Variants in CNGB3 observed in about 807,000 individuals in gnomAD.
CNGB3 encodes cyclic nucleotide gated channel subunit beta 3.
CNGB3 carries 86 observed loss-of-function variants against 92.8 expected under a neutral mutation model. That is an observed-to-expected ratio of 0.93 (90% CI 0.78 to 1.11). The LOEUF is 1.11. Ranked by LOEUF, CNGB3 falls within the 50% of genes least tolerant of loss-of-function variation. The pLI, the probability that CNGB3 is intolerant of heterozygous loss-of-function variation, is 0.00. For missense variants in CNGB3, 1,026 were observed against 956.8 expected (o/e 1.07, Z -0.95); for synonymous variants, 333 against 332.7 (o/e 1.00, Z -0.01).
chr8:86,606,107 T>C lies in CNGB3; in HGVS notation c.1663-1896A>G, dbSNP rs142391110. On this transcript the variant is annotated intron_variant, in intron 14 of 17. Transcript: ENST00000320005. ...GCAAGAAATACGTTTAAGTTTTGCATTGTGTAAAATACATTTTTAAATTAA... is the reference window on the plus strand; with the variant it reads ...GCAAGAAATACGTTTAAGTTTTGCACTGTGTAAAATACATTTTTAAATTAA... Among the ~76,000 whole-genome samples, 46 of 151,942 alleles carry C rather than the reference T, an allele frequency of 3.0e-4. No homozygotes were observed. In the East Asian group the frequency reaches 6.8e-3, roughly 22 times the overall value.
chr8:86,705,485 T>C (rs547413717), intron 3 of CNGB3, among the ~76,000 whole-genome samples: 1 of 152,168 alleles, frequency 6.6e-6, no homozygotes, highest in African/African-American at 2.4e-5. Context: ...AAAAGGAATG[T>C]TGCAGGTTAC....
At chr8:86,659,059 G>T in intron 6 of CNGB3, 2 of 892,728 alleles carry the variant, frequency 2.2e-6, no homozygotes, top group South Asian at 1.5e-5. Context: ...ACCTCAGAGG[G>T]CCCTGCTGGG....
Position 86,625,885 on chromosome 8 carries a change from A to G in CNGB3, c.1578+98T>C, listed in dbSNP as rs1397471147. 4.0e-6 allele frequency: 4 copies of G among 991,450 alleles called. No individual in the cohort carries two copies. In the East Asian group the frequency reaches 1.0e-4, roughly 25 times the overall value. 61.4% of individuals were successfully genotyped at this position (991,450 alleles called of 1,614,324 possible). A position where few individuals can be genotyped will look rare whatever the true frequency, so the allele number is the denominator to read the frequency against. The stretch of plus-strand genomic sequence containing the variant: ...TCTCTAGGTTATTTTGACTTTGTTA[A>G]AACATAAGGCAAAAAAACTCATAAA... On this transcript the variant is annotated intron_variant, in intron 13 of 17. Transcript: ENST00000320005.
chr8:86,687,050 A>G (rs994692698), intron 3 of CNGB3, among the ~76,000 whole-genome samples: 4 of 152,024 alleles, frequency 2.6e-5, no homozygotes, highest in African/African-American at 4.8e-5. Flanking sequence ...TGTTCAAAAC[A>G]CCACAGTGTT....
At position 86,667,148 on chromosome 8, in the gene CNGB3, A is replaced by G; in HGVS notation, c.644-15T>C. 1.9e-6 allele frequency: 3 copies of G among 1,609,016 alleles called. No individual in the cohort carries two copies. The highest frequency in any genetic ancestry group is 2.6e-6 in the Non-Finnish European group (3 of 1,175,874). ...ATAGAGTCGATCTGGAAAAACAGCA[A>G]GTGGTGAAATCCAAATGACATAGAA... On this transcript the variant is annotated splice_polypyrimidine_tract_variant and intron_variant, in intron 5 of 17. Transcript: ENST00000320005.
intron 3 of CNGB3, among the ~76,000 whole-genome samples, chr8:86,673,139 C>T (rs1026371420): frequency 2.0e-5 from 3 of 152,126 alleles, no homozygotes; most frequent in African/African-American, 4.8e-5. Flanking sequence ...GTGTCAGGCC[C>T]GATAGTTGTT....
At chr8:86,617,559 C>T (rs183408087) in intron 13 of CNGB3, among the ~76,000 whole-genome samples, 89 of 152,258 alleles carry the variant, frequency 5.8e-4, no homozygotes, top group Non-Finnish European at 5.9e-5. Flanking sequence ...TTGGGACCAG[C>T]AAAGTCAAAT....
intron 13 of CNGB3, among the ~76,000 whole-genome samples, chr8:86,625,614 A>T (rs939453720): frequency 6.6e-6 from 1 of 152,166 alleles, no homozygotes; most frequent in African/African-American, 2.4e-5. Context: ...TTGTCAGGCC[A>T]TTACAGAGCT....
In CNGB3 at chr8:86,743,581, T is replaced by A. The variant is rs1296464372; in HGVS notation, c.47A>T (p.Glu16Val). Reference sequence around the variant, plus strand: ...AGAACTTTGTTCATTCTCATTGTTCTCTCCTATAGGCTTCACCTTGTTGAC... The same window carrying A: ...AGAACTTTGTTCATTCTCATTGTTCACTCCTATAGGCTTCACCTTGTTGAC... Reference protein sequence around the residue: ...TKVNKVKPIGENNENEQSSRR... With the variant: ...TKVNKVKPIGVNNENEQSSRR... Residue 16 changes from glutamate (E) to valine (V), a missense_variant, in exon 1 of 18, where the codon GAG (glutamate) becomes GTG (valine). Transcript: ENST00000320005. 1 of 1,613,924 alleles carries A rather than the reference T, an allele frequency of 6.2e-7. No individual in the cohort carries two copies. Among genetic ancestry groups the A allele is most frequent in the African/African-American group, 1.3e-5 (1 of 74,936 alleles).
At chr8:86,650,273 C>A (rs759090462) in intron 7 of CNGB3, among the ~76,000 whole-genome samples, 31 of 151,408 alleles carry the variant, frequency 2.0e-4, no homozygotes, top group Non-Finnish European at 4.3e-4. Context: ...TTGCTCAACT[C>A]CCCTCTCAAC....
intron 15 of CNGB3, among the ~76,000 whole-genome samples, chr8:86,589,463 C>G (rs7003422): frequency 0.27 from 40,296 of 150,828 alleles, 5,820 homozygotes; most frequent in Admixed American, 0.41. Context: ...CCTGCTTTCT[C>G]TTGCGGGCAT....
At chr8:86,600,603 C>CT (rs869225655) in intron 15 of CNGB3, among the ~76,000 whole-genome samples, 6 of 144,680 alleles carry the variant, frequency 4.1e-5, no homozygotes, top group South Asian at 2.2e-4. Context: ...ATTCTAGTTC[C>CT]TTTTTTTTTT....
chr8:86,612,299 TC>T (rs1822536683), intron 13 of CNGB3, among the ~76,000 whole-genome samples: 1 of 152,182 alleles, frequency 6.6e-6, no homozygotes, highest in Non-Finnish European at 1.5e-5. Flanking sequence ...GTATTTGTCA[TC>T]TGTTTAAATA....
chr8:86,593,864 AGCAT>A (rs1822110178), intron 15 of CNGB3: 4 of 743,194 alleles, frequency 5.4e-6, no homozygotes, highest in Admixed American at 2.0e-5. Context: ...GACCCCGGGC[AGCAT>A]AGCCAGGTCC....
At chr8:86,595,781 G>A (rs571001016) in intron 15 of CNGB3, among the ~76,000 whole-genome samples, 1 of 152,028 alleles carries the variant, frequency 6.6e-6, no homozygotes, top group Non-Finnish European at 1.5e-5. Context: ...GTCTCCTCTG[G>A]TACTCCAATT....
intron 10 of CNGB3, among the ~76,000 whole-genome samples, chr8:86,634,260 T>C (rs1823020781): frequency 6.6e-6 from 1 of 152,176 alleles, no homozygotes; most frequent in Admixed American, 6.5e-5. Context: ...ATTCAATAAA[T>C]TACATGAGAT....
At chr8:86,583,451 T>A (rs1365633029) in intron 15 of CNGB3, among the ~76,000 whole-genome samples, 8 of 151,986 alleles carry the variant, frequency 5.3e-5, no homozygotes, top group Non-Finnish European at 1.5e-5. Flanking sequence ...AAAAAATAAG[T>A]ATAATTATTA....
chr8:86,617,831 C>A (rs187860699), intron 13 of CNGB3, among the ~76,000 whole-genome samples: 109 of 152,230 alleles, frequency 7.2e-4, no homozygotes, highest in Non-Finnish European at 1.3e-3. Context: ...TTGTGGAAGA[C>A]AATTTTTTCA....
At chr8:86,594,095 C>G (rs959826047) in intron 15 of CNGB3, 4 of 308,394 alleles carry the variant, frequency 1.3e-5, no homozygotes, top group Non-Finnish European at 2.6e-5. Context: ...TCCTGGAGGT[C>G]GGGATTGTCC....
Sources: gnomAD v4.1 joint callset for allele counts (sites outside exome capture counted in the v4.1 genomes callset) on GRCh38, gnomAD v4.1.1 for gene constraint, MANE v1.5 for transcripts, NCBI Gene and HGNC (gene_info 2026-07-23, HGNC 2026-07-21) for gene names.